The following RALGPS1 variants were observed in gnomAD, a reference collection of about 807,000 sequenced individuals.
RALGPS1 encodes Ral GEF with PH domain and SH3 binding motif 1, also known as ras-specific guanine nucleotide-releasing factor RalGPS1.
Under a neutral mutation model 78.8 loss-of-function variants are expected in RALGPS1, and 19 were observed. The observed-to-expected ratio is 0.24, with a 90% CI of 0.17 to 0.35. The LOEUF (loss-of-function observed/expected upper bound fraction) is 0.35. Among genes scored for constraint, RALGPS1 ranks in the 10% least tolerant of loss-of-function variants. RALGPS1 has a pLI of 1.00. For missense variants in RALGPS1, 454 were observed against 688.3 expected (o/e 0.66, Z 3.81); for synonymous variants, 228 against 256.3 (o/e 0.89, Z 1.06).
chr9:127,144,554 G>A (rs567484679), intron 8 of RALGPS1, among the ~76,000 whole-genome samples: 6 of 152,280 alleles, frequency 3.9e-5, no homozygotes, highest in South Asian at 2.1e-4. Context: ...GTACATGAAT[G>A]TTCATAACAG....
chr9:127,180,623 C>T (rs999977237), intron 11 of RALGPS1, among the ~76,000 whole-genome samples: 4 of 152,326 alleles, frequency 2.6e-5, no homozygotes, highest in East Asian at 3.9e-4. Flanking sequence ...AGTGTTAGCT[C>T]GTGGCCTCCC....
chr9:127,064,468 A>C (rs190875692), intron 7 of RALGPS1, among the ~76,000 whole-genome samples: 119 of 152,378 alleles, frequency 7.8e-4, no homozygotes, highest in African/African-American at 2.8e-3. Context: ...TGAATTTTAA[A>C]AATCACTAAG....
intron 8 of RALGPS1, among the ~76,000 whole-genome samples, chr9:127,118,616 A>G (rs964434990): frequency 2.6e-5 from 4 of 152,034 alleles, no homozygotes; most frequent in Admixed American, 6.5e-5. Flanking sequence ...CTTCTGTAAG[A>G]CGGGGACAGC....
At chr9:126,988,140 G>T (rs1215221063) in intron 4 of RALGPS1, among the ~76,000 whole-genome samples, 1 of 152,214 alleles carries the variant, frequency 6.6e-6, no homozygotes, top group Non-Finnish European at 1.5e-5. Context: ...ACAAGGACCA[G>T]TGGTGAGGTC....
intron 4 of RALGPS1, among the ~76,000 whole-genome samples, chr9:127,021,879 G>T (rs2045491280): frequency 6.6e-6 from 1 of 152,070 alleles, no homozygotes; most frequent in African/African-American, 2.4e-5. Context: ...GTTGGCTGCT[G>T]CCCTGCGTTG....
At chr9:126,958,895 G>A (rs2038616750) in intron 1 of RALGPS1, among the ~76,000 whole-genome samples, 1 of 152,104 alleles carries the variant, frequency 6.6e-6, no homozygotes, top group Admixed American at 6.5e-5. Flanking sequence ...ACGCGTGAGG[G>A]TTCTGTCTCT....
chr9:127,168,210 C>T (rs898723790), intron 9 of RALGPS1, among the ~76,000 whole-genome samples: 2 of 152,214 alleles, frequency 1.3e-5, no homozygotes, highest in Non-Finnish European at 2.9e-5. Flanking sequence ...GTTAGGCCTC[C>T]ACACCTGGCT....
chr9:127,070,470 C>T (rs1307402257), intron 8 of RALGPS1, among the ~76,000 whole-genome samples: 1 of 152,150 alleles, frequency 6.6e-6, no homozygotes, highest in African/African-American at 2.4e-5. Context: ...AAACGTATGC[C>T]TTTTCATGTA....
At chr9:127,093,872 A>T (rs1256357799) in intron 8 of RALGPS1, 2 of 1,614,072 alleles carry the variant, frequency 1.2e-6, no homozygotes, top group Non-Finnish European at 1.7e-6. Context: ...CACCAGGTAG[A>T]TGGAGCTGGT....
intron 8 of RALGPS1, chr9:127,079,850 A>C (rs1451323402): frequency 6.6e-6 from 1 of 152,250 alleles, no homozygotes; most frequent in African/African-American, 2.4e-5. Context: ...TGTTTATTGT[A>C]AGATGCTAAG....
At chr9:127,207,458 G>A (rs572853746) in intron 14 of RALGPS1, among the ~76,000 whole-genome samples, 4 of 152,308 alleles carry the variant, frequency 2.6e-5, no homozygotes, top group South Asian at 2.1e-4. Context: ...TGGGAAAGGT[G>A]TCTGTGGTTC....
chr9:127,161,760 CAG>C (rs2059032845), intron 8 of RALGPS1, among the ~76,000 whole-genome samples: 1 of 152,192 alleles, frequency 6.6e-6, no homozygotes, highest in South Asian at 2.1e-4. Flanking sequence ...TGCCATACAC[CAG>C]AGAGTCTGGC....
chr9:127,182,080 G>C (rs903968841), intron 11 of RALGPS1, among the ~76,000 whole-genome samples: 1 of 151,636 alleles, frequency 6.6e-6, no homozygotes, highest in Non-Finnish European at 1.5e-5. Flanking sequence ...GTTCATGCCT[G>C]TAATCCTGGA....
At chr9:127,047,902 A>T (rs1312230909) in intron 5 of RALGPS1, among the ~76,000 whole-genome samples, 1 of 151,962 alleles carries the variant, frequency 6.6e-6, no homozygotes, top group Non-Finnish European at 1.5e-5. Context: ...AAATAAAATA[A>T]AAAAGTGTTT....
At chr9:127,150,024 C>G (rs2058329789) in intron 8 of RALGPS1, among the ~76,000 whole-genome samples, 1 of 152,212 alleles carries the variant, frequency 6.6e-6, no homozygotes, top group Non-Finnish European at 1.5e-5. Flanking sequence ...GACCCAGACT[C>G]AAGAGTCAGA....
chr9:127,000,521 TTTC>T (rs2043189361), intron 4 of RALGPS1, among the ~76,000 whole-genome samples: 1 of 149,790 alleles, frequency 6.7e-6, no homozygotes, highest in Non-Finnish European at 1.5e-5. Flanking sequence ...CTGCTATTGA[TTTC>T]TTGTCTTGTC....
At chr9:127,154,344 A>G (rs1319444534) in intron 8 of RALGPS1, among the ~76,000 whole-genome samples, 5 of 152,250 alleles carry the variant, frequency 3.3e-5, no homozygotes, top group African/African-American at 9.6e-5. Flanking sequence ...GCCATGGAGT[A>G]GGAGGAGCCC....
rs2062788895 is a variant in RALGPS1 at position 127,222,144 on chromosome 9, A to T, written c.*3375A>T. On this transcript the variant is annotated 3_prime_UTR_variant, in exon 19 of 19. Coordinates refer to ENST00000259351, the MANE Select transcript of RALGPS1 (RefSeq NM_014636.3). Reference sequence around the variant, plus strand: ...GCTGCCTATGCTGAGAACAAGTCAGATCTGATCCCTGCCCTCATGGACCTG... The same window carrying T: ...GCTGCCTATGCTGAGAACAAGTCAGTTCTGATCCCTGCCCTCATGGACCTG... The T allele has an allele frequency of 6.6e-6, 1 of 152,258 alleles. No individual in the cohort carries two copies. Among genetic ancestry groups the T allele is most frequent in the South Asian group, 2.1e-4 (1 of 4,832 alleles). 9.4% of individuals were successfully genotyped at this position (152,258 alleles called of 1,614,324 possible). A position where few individuals can be genotyped will look rare whatever the true frequency, so the allele number is the denominator to read the frequency against.
intron 4 of RALGPS1, among the ~76,000 whole-genome samples, chr9:127,018,170 G>T (rs1227840222): frequency 6.6e-6 from 1 of 151,780 alleles, no homozygotes; most frequent in Non-Finnish European, 1.5e-5. Context: ...ACCCGACATT[G>T]CGCCACTGCA....
Sources: gnomAD v4.1 joint callset for allele counts (sites outside exome capture counted in the v4.1 genomes callset) on GRCh38, gnomAD v4.1.1 for gene constraint, MANE v1.5 for transcripts, NCBI Gene and HGNC (gene_info 2026-07-23, HGNC 2026-07-21) for gene names.